TENM3: variants seen among roughly 807,000 people sequenced by gnomAD.
The protein encoded by TENM3 is teneurin-3.
A neutral mutation model predicts 255.1 loss-of-function variants in TENM3; 63 were observed. The ratio of observed to expected loss-of-function variants is 0.25; its 90% confidence interval spans 0.20 to 0.30. The LOEUF is 0.30. TENM3 is among the 10% of genes least tolerant of loss of function. The probability of loss-of-function intolerance (pLI) is 1.00; values close to 1 mark genes in which losing one functional copy is unlikely to be tolerated. For synonymous variants in TENM3, 1,306 were observed against 1,322.3 expected, an observed-to-expected ratio of 0.99 and a Z score of 0.27; for missense variants, 2,929 against 3,461.1, an observed-to-expected ratio of 0.85 and a Z score of 3.86.
chr4:182,694,503 T>C (rs1434113518), intron 12 of TENM3, among the ~76,000 whole-genome samples: 5 of 152,192 alleles, frequency 3.3e-5, no homozygotes, highest in African/African-American at 1.2e-4. Context: ...CACAGAGTTG[T>C]ATATTGAGCT....
the TENM3 span, among the ~76,000 whole-genome samples, chr4:181,856,564 T>A: frequency 6.6e-6 from 1 of 152,238 alleles, no homozygotes; most frequent in African/African-American, 2.4e-5. Flanking sequence ...TCAATGCCCG[T>A]GCCTTATGCA....
At chr4:181,629,740 G>T in the TENM3 span, among the ~76,000 whole-genome samples, 2 of 152,176 alleles carry the variant, frequency 1.3e-5, no homozygotes, top group Non-Finnish European at 2.9e-5. Context: ...CGGTTTGCCA[G>T]TATTTTATTG....
the TENM3 span, among the ~76,000 whole-genome samples, chr4:181,784,267 CAT>C: frequency 6.6e-6 from 1 of 151,784 alleles, no homozygotes; most frequent in Non-Finnish European, 1.5e-5. Context: ...ATTTGAATCA[CAT>C]ATGAGTGACA....
At chr4:182,367,226 A>G (rs765358863) in intron 3 of TENM3, among the ~76,000 whole-genome samples, 6 of 152,186 alleles carry the variant, frequency 3.9e-5, no homozygotes, top group Non-Finnish European at 8.8e-5. Context: ...CCGCTCCAGG[A>G]AGTAGTGGAA....
chr4:181,469,661 A>T, the TENM3 span, among the ~76,000 whole-genome samples: 4 of 121,830 alleles, frequency 3.3e-5, no homozygotes, highest in Non-Finnish European at 7.1e-5. Flanking sequence ...AATATTACTA[A>T]ATACCAATTC....
the TENM3 span, among the ~76,000 whole-genome samples, chr4:181,633,788 C>A: frequency 6.6e-6 from 1 of 152,220 alleles, no homozygotes; most frequent in East Asian, 1.9e-4. Context: ...CTTTAGCACA[C>A]GGGACATAAA....
chr4:182,651,692 G>A (rs755555372), intron 5 of TENM3, among the ~76,000 whole-genome samples: 21 of 134,650 alleles, frequency 1.6e-4, no homozygotes, highest in South Asian at 4.8e-4. Context: ...GCGAGACTCC[G>A]TCTCAGAAAA....
At chr4:182,599,992 T>C (rs1747671155) in intron 3 of TENM3, among the ~76,000 whole-genome samples, 1 of 152,224 alleles carries the variant, frequency 6.6e-6, no homozygotes, top group Non-Finnish European at 1.5e-5. Flanking sequence ...GATGTTACAT[T>C]AATTTGTGAA....
intron 1 of TENM3, among the ~76,000 whole-genome samples, chr4:182,163,906 C>G (rs184707762): frequency 6.6e-6 from 1 of 152,320 alleles, no homozygotes; most frequent in Non-Finnish European, 1.5e-5. Context: ...TGCCTTCACA[C>G]TGTATCCACT....
chr4:181,696,716 T>C, the TENM3 span, among the ~76,000 whole-genome samples: 3 of 152,192 alleles, frequency 2.0e-5, no homozygotes, highest in Non-Finnish European at 4.4e-5. Flanking sequence ...ACTGAGTTAT[T>C]ATGAGTTTCA....
chr4:182,468,141 C>T lies in TENM3; in HGVS notation c.511+121212C>T, dbSNP rs528120308. On this transcript the variant is annotated intron_variant, in intron 3 of 27. Coordinates refer to ENST00000511685, the MANE Select transcript of TENM3 (RefSeq NM_001080477.4). ...GTGGCTCATGCCTGTAATCCCAGCA[C>T]TTGGGGAGTCTGAGGTGGGAGGATC... 3.9e-5 allele frequency among the ~76,000 whole-genome samples: 6 copies of T among 152,240 alleles called. No homozygotes were observed. The South Asian group carries it at 1.2e-3, about 32-fold the overall frequency.
the TENM3 span, among the ~76,000 whole-genome samples, chr4:182,138,063 C>T: frequency 1.3e-5 from 2 of 152,122 alleles, no homozygotes; most frequent in Admixed American, 6.5e-5. Context: ...ATGATGATAG[C>T]GAAGTGCACT....
At chr4:182,197,292 T>C (rs1353139156) in intron 1 of TENM3, among the ~76,000 whole-genome samples, 1 of 152,208 alleles carries the variant, frequency 6.6e-6, no homozygotes, top group Admixed American at 6.5e-5. Context: ...CCTTGCTATT[T>C]AGTATCTTCT....
the TENM3 span, among the ~76,000 whole-genome samples, chr4:181,716,884 G>A: frequency 6.6e-6 from 1 of 152,024 alleles, no homozygotes; most frequent in African/African-American, 2.4e-5. Flanking sequence ...CCCACCTCTG[G>A]GTCCGCTCCC....
the TENM3 span, among the ~76,000 whole-genome samples, chr4:181,995,796 C>A: frequency 4.7e-3 from 711 of 152,194 alleles, 3 homozygotes; most frequent in South Asian, 0.015. Context: ...AAATAGTCAT[C>A]TATTTCAGGA....
rs191451057 is a variant in TENM3, at chr4:182,267,299, G to T, written c.-76+23823G>T. 1.5e-3 allele frequency among the ~76,000 whole-genome samples: 232 copies of T among 152,214 alleles called. 1 individual carries two copies. Among genetic ancestry groups the T allele is most frequent in the South Asian group, 9.3e-3 (45 of 4,826 alleles). Reference sequence around the variant, plus strand: ...TTTCTCCAGAATTTAGGAACTAGTTGTCAGTATTCTTAACTTATGGCAATA... The same window carrying T: ...TTTCTCCAGAATTTAGGAACTAGTTTTCAGTATTCTTAACTTATGGCAATA... On this transcript the variant is annotated intron_variant, in intron 1 of 27. Coordinates refer to ENST00000511685, the MANE Select transcript of TENM3 (RefSeq NM_001080477.4).
At chr4:181,686,731 C>CT in the TENM3 span, among the ~76,000 whole-genome samples, 128 of 152,180 alleles carry the variant, frequency 8.4e-4, no homozygotes, top group Middle Eastern at 3.4e-3. Flanking sequence ...TTGTTATCTT[C>CT]TTTAGTGGAA....
chr4:181,851,481 G>T, the TENM3 span, among the ~76,000 whole-genome samples: 1 of 152,188 alleles, frequency 6.6e-6, no homozygotes, highest in African/African-American at 2.4e-5. Context: ...CAAATCTGAT[G>T]CTTTTAAAGA....
chr4:182,060,776 G>A, the TENM3 span, among the ~76,000 whole-genome samples: 1 of 152,178 alleles, frequency 6.6e-6, no homozygotes, highest in Non-Finnish European at 1.5e-5. Context: ...ATAATTGCGG[G>A]TATAAACCAA....
Sources: allele counts gnomAD v4.1 joint callset (sites outside exome capture counted in the v4.1 genomes callset), GRCh38; gene constraint gnomAD v4.1.1; transcripts MANE v1.5; gene names NCBI Gene and HGNC (gene_info 2026-07-23, HGNC 2026-07-21).